Variants in MED26 observed in about 807,000 individuals in gnomAD.
MED26 encodes mediator complex subunit 26.
Under a neutral mutation model 43.7 loss-of-function variants are expected in MED26, and 7 were observed. That is an observed-to-expected ratio of 0.16 (90% CI 0.09 to 0.30). The LOEUF (loss-of-function observed/expected upper bound fraction) is 0.30, where lower values mean the gene tolerates loss of function less well. Ranked by LOEUF, MED26 falls within the 10% of genes least tolerant of loss-of-function variation. MED26 has a pLI of 1.00. For missense variants in MED26, 784 were observed against 840.6 expected, an observed-to-expected ratio of 0.93 and a Z score of 0.83; for synonymous variants, 375 against 371.1, an observed-to-expected ratio of 1.01 and a Z score of -0.12.
At chr19:16,605,439 A>C (rs1033966562) in intron 1 of MED26, among the ~76,000 whole-genome samples, 1 of 152,212 alleles carries the variant, frequency 6.6e-6, no homozygotes, top group Non-Finnish European at 1.5e-5. Context: ...GCCATGAGTG[A>C]CCAGGTGAAT....
At chr19:16,599,535 TG>T (rs1411519154) in intron 1 of MED26, among the ~76,000 whole-genome samples, 1 of 152,158 alleles carries the variant, frequency 6.6e-6, no homozygotes, top group Non-Finnish European at 1.5e-5. Context: ...TACTAGCTTT[TG>T]TCACCCAGAA....
chr19:16,592,473 A>G (rs1426469181), intron 1 of MED26, among the ~76,000 whole-genome samples: 1 of 152,238 alleles, frequency 6.6e-6, no homozygotes, highest in Non-Finnish European at 1.5e-5. Context: ...CCAACCAGCA[A>G]TGGCCACTGT....
chr19:16,584,869 T>C (rs969840931), intron 1 of MED26, among the ~76,000 whole-genome samples: 4 of 152,186 alleles, frequency 2.6e-5, no homozygotes, highest in Admixed American at 2.0e-4. Context: ...TTTCCTAGCA[T>C]TTGTTTGGGA....
At chr19:16,615,974 T>C (rs2086224469) in intron 1 of MED26, among the ~76,000 whole-genome samples, 1 of 152,214 alleles carries the variant, frequency 6.6e-6, no homozygotes, top group African/African-American at 2.4e-5. Flanking sequence ...GTCACAGGTC[T>C]GTCTCTGAAC....
intron 1 of MED26, among the ~76,000 whole-genome samples, chr19:16,624,891 A>G (rs2086267350): frequency 6.6e-6 from 1 of 152,224 alleles, no homozygotes; most frequent in East Asian, 1.9e-4. Context: ...AAGACAAGAC[A>G]GGAAACATCC....
In MED26 at chr19:16,586,204, C is replaced by T. The variant is rs1304911777; in HGVS notation, c.73-7795G>A. ...CAGGCCCAACCGGGCACAACTCGCA[C>T]AGGACCATCACTGGTGGGTTGCCCT... On this transcript the variant is annotated intron_variant, in intron 1 of 2. Coordinates refer to ENST00000263390, the MANE Select transcript of MED26 (RefSeq NM_004831.5). The surrounding 1 kb of genome is among the most constrained non-coding windows in gnomAD (Gnocchi z 5.1). 6.6e-6 allele frequency among the ~76,000 whole-genome samples: 1 copy of T among 152,268 alleles called. No homozygotes were observed. The highest frequency in any genetic ancestry group is 2.4e-5 in the African/African-American group (1 of 41,480).
rs984179903 is a variant in MED26, at chr19:16,587,048, AACAG to A, written c.73-8643_73-8640del. The A allele has an allele frequency of 2.8e-4, 42 of 152,110 alleles. No homozygotes were observed. Among genetic ancestry groups the A allele is most frequent in the African/African-American group, 9.9e-4 (41 of 41,414 alleles). 9.4% of individuals were successfully genotyped at this position (152,110 alleles called of 1,614,324 possible). On this transcript the variant is annotated intron_variant, in intron 1 of 2. Coordinates refer to ENST00000263390, the MANE Select transcript of MED26 (RefSeq NM_004831.5). This position sits in a 1 kb window ranked among gnomAD's most constrained non-coding sequence, Gnocchi z 4.9. Reference sequence around the variant, plus strand: ...AAACATGCCACAGATGGCACCCAGAAACAGACAGTCTGCCTTCAATGTGCTAAGC... The same window carrying A: ...AAACATGCCACAGATGGCACCCAGAAACAGTCTGCCTTCAATGTGCTAAGC...
chr19:16,602,967 T>G (rs1403333330), intron 1 of MED26, among the ~76,000 whole-genome samples: 1 of 152,138 alleles, frequency 6.6e-6, no homozygotes, highest in East Asian at 1.9e-4. Flanking sequence ...TAAAAACAGC[T>G]AAGATGGTTA....
At chr19:16,616,419 C>T (rs961430075) in intron 1 of MED26, among the ~76,000 whole-genome samples, 18 of 152,176 alleles carry the variant, frequency 1.2e-4, no homozygotes, top group Admixed American at 9.2e-4. Flanking sequence ...CAGCCAGCAA[C>T]ACGACACCAC....
intron 1 of MED26, 92 bp downstream of exon 1, chr19:16,627,780 T>G: frequency 2.2e-6 from 2 of 896,632 alleles, no homozygotes; most frequent in Non-Finnish European, 1.5e-6. Flanking sequence ...GCCAGACGGG[T>G]CCCCCGAAGC....
At chr19:16,584,136 C>T (rs1783325017) in intron 1 of MED26, among the ~76,000 whole-genome samples, 1 of 151,926 alleles carries the variant, frequency 6.6e-6, no homozygotes, top group Admixed American at 6.6e-5. Flanking sequence ...ACCTGTAATC[C>T]CAGCTACTCG....
At chr19:16,592,567 G>C (rs2086102744) in intron 1 of MED26, among the ~76,000 whole-genome samples, 1 of 152,232 alleles carries the variant, frequency 6.6e-6, no homozygotes, top group South Asian at 2.1e-4. Flanking sequence ...TCCAAACAAA[G>C]TTCAGCAGCA....
At position 16,574,957 on chromosome 19, in the gene MED26, A is replaced by G. The variant is rs1185839715; in HGVS notation, c.*1070T>C. ...TTTTTTATTTCCACATTTATATCACAAGGTGTCCACTTACTGGACCAAATA... is the reference window on the plus strand; with the variant it reads ...TTTTTTATTTCCACATTTATATCACGAGGTGTCCACTTACTGGACCAAATA... On this transcript the variant is annotated 3_prime_UTR_variant, in exon 3 of 3. Coordinates refer to ENST00000263390, the MANE Select transcript of MED26 (RefSeq NM_004831.5). The G allele has an allele frequency of 6.6e-6, 1 of 152,166 alleles. No individual in the cohort carries two copies. Among genetic ancestry groups the G allele is most frequent in the East Asian group, 1.9e-4 (1 of 5,166 alleles). The allele number at this position is 152,166 out of a possible 1,614,324, so 9.4% of individuals were successfully genotyped here.
chr19:16,576,709 G>T lies in MED26; in HGVS notation c.1121C>A (p.Pro374Gln). ...ATCACTGTCCGCCTTGGAGGAGTCTGGGGAAAAGCCTGCCCGGGACAGGAG... is the reference window on the plus strand; with the variant it reads ...ATCACTGTCCGCCTTGGAGGAGTCTTGGGAAAAGCCTGCCCGGGACAGGAG... ...EPLLSRAGFS[P>Q]DSSKADSDAA... Residue 374 changes from proline to glutamine, a missense_variant, in exon 3 of 3, where the codon CCA becomes CAA. Pro to Gln is a moderately conservative substitution (Grantham distance 76). Coordinates refer to ENST00000263390, the MANE Select transcript of MED26 (RefSeq NM_004831.5). This position sits in a 1 kb window ranked among gnomAD's most constrained non-coding sequence, Gnocchi z 6.8. The T allele has an allele frequency of 6.2e-7, 1 of 1,613,138 alleles. No homozygotes were observed. The highest frequency in any genetic ancestry group is 8.5e-7 in the Non-Finnish European group (1 of 1,180,000).
intron 1 of MED26, among the ~76,000 whole-genome samples, chr19:16,585,708 C>T (rs1030772247): frequency 6.6e-6 from 1 of 152,216 alleles, no homozygotes; most frequent in Non-Finnish European, 1.5e-5. Flanking sequence ...CCTCCGGAGT[C>T]CGGAAGACTA....
chr19:16,583,154 G>T (rs1451197388), intron 1 of MED26, among the ~76,000 whole-genome samples: 1 of 152,266 alleles, frequency 6.6e-6, no homozygotes. Flanking sequence ...CCATGTCTGT[G>T]GCCCGATGGC....
chr19:16,592,055 G>A (rs1274067132), intron 1 of MED26, among the ~76,000 whole-genome samples: 1 of 152,178 alleles, frequency 6.6e-6, no homozygotes, highest in African/African-American at 2.4e-5. Flanking sequence ...GCCCCACAGG[G>A]ATGATGGGCA....
chr19:16,607,410 T>C (rs990974637), intron 1 of MED26, among the ~76,000 whole-genome samples: 1 of 149,966 alleles, frequency 6.7e-6, no homozygotes, highest in Non-Finnish European at 1.5e-5. Flanking sequence ...CATGTCCATA[T>C]TGTGTGCCTC....
intron 2 of MED26, 36 bp downstream of exon 2, chr19:16,578,287 CCTGCCCCCCGTT>C (rs1473771795): frequency 6.4e-7 from 1 of 1,564,304 alleles, no homozygotes; most frequent in African/African-American, 1.4e-5. Context: ...GGTACCATCC[CCTGCCCCCCGTT>C]CTGCCCTCCC....
Sources: gnomAD v4.1 joint callset for allele counts (sites outside exome capture counted in the v4.1 genomes callset) on GRCh38, gnomAD v4.1.1 for gene constraint, Gnocchi (gnomAD v3.1) non-coding constraint, MANE v1.5 for transcripts, NCBI Gene and HGNC (gene_info 2026-07-23, HGNC 2026-07-21) for gene names.